Variants in WNT3 observed in about 807,000 individuals in gnomAD.
The protein encoded by WNT3 is proto-oncogene Wnt-3.
In WNT3, 7 loss-of-function variants were observed where a neutral mutation model predicts 34.2. The ratio of observed to expected loss-of-function variants is 0.20; its 90% CI spans 0.12 to 0.38. The LOEUF is 0.38. Among genes scored for constraint, WNT3 ranks in the 10% least tolerant of loss-of-function variants. WNT3 has a pLI of 1.00. For missense variants in WNT3, 267 were observed against 499.8 expected (o/e 0.53, Z 4.44); for synonymous variants, 212 against 211.5 (o/e 1.00, Z -0.02).
chr17:46,794,020 T>A (rs1295870130), intron 1 of WNT3, among the ~76,000 whole-genome samples: 2 of 152,126 alleles, frequency 1.3e-5, no homozygotes, highest in Non-Finnish European at 2.9e-5. Flanking sequence ...GACGGGGACA[T>A]AACCAAGACA....
At chr17:46,772,752 G>A (rs1486729770) in intron 2 of WNT3, among the ~76,000 whole-genome samples, 1 of 152,134 alleles carries the variant, frequency 6.6e-6, no homozygotes, top group Non-Finnish European at 1.5e-5. Context: ...TAAAATGGGG[G>A]TTGTCAGCTT....
intron 1 of WNT3, among the ~76,000 whole-genome samples, chr17:46,806,683 T>G (rs116819231): frequency 1.1e-3 from 165 of 152,370 alleles, no homozygotes; most frequent in Middle Eastern, 6.8e-3. Flanking sequence ...AGCCTGAGGC[T>G]AGACATTCTC....
At chr17:46,789,992 C>A (rs2083960814) in intron 1 of WNT3, among the ~76,000 whole-genome samples, 1 of 152,164 alleles carries the variant, frequency 6.6e-6, no homozygotes, top group Non-Finnish European at 1.5e-5. Flanking sequence ...GTGAAGACAG[C>A]CCTGCCCAGC....
chr17:46,787,686 G>A (rs1027562826), intron 1 of WNT3, among the ~76,000 whole-genome samples: 3 of 152,244 alleles, frequency 2.0e-5, no homozygotes, highest in African/African-American at 7.2e-5. Context: ...GGGCGCGGTG[G>A]CTCACGCCTG....
At chr17:46,783,929 T>C (rs929425183) in intron 1 of WNT3, among the ~76,000 whole-genome samples, 1 of 152,148 alleles carries the variant, frequency 6.6e-6, no homozygotes, top group African/African-American at 2.4e-5. Context: ...ATCCTGTTAG[T>C]TATGTGCAAA....
intron 1 of WNT3, among the ~76,000 whole-genome samples, chr17:46,789,948 C>T (rs1425301840): frequency 2.6e-5 from 4 of 152,210 alleles, no homozygotes; most frequent in Admixed American, 1.3e-4. Flanking sequence ...GGCTTCTTTG[C>T]GCCTCATCCC....
intron 3 of WNT3, among the ~76,000 whole-genome samples, chr17:46,769,189 G>A (rs1295975147): frequency 6.6e-6 from 1 of 151,988 alleles, no homozygotes; most frequent in Non-Finnish European, 1.5e-5. Context: ...GGTGGCGGAC[G>A]CCTGTAATCC....
At chr17:46,771,916 G>GCGCCTCGGGCC (rs2059376951) in intron 2 of WNT3, among the ~76,000 whole-genome samples, 1 of 143,490 alleles carries the variant, frequency 7.0e-6, no homozygotes, top group Non-Finnish European at 1.5e-5. Context: ...GCCTGGGGAA[G>GCGCCTCGGGCC]CGCCTCGGGC....
chr17:46,787,770 AT>A (rs1446809589), intron 1 of WNT3, among the ~76,000 whole-genome samples: 1 of 152,212 alleles, frequency 6.6e-6, no homozygotes, highest in Non-Finnish European at 1.5e-5. Flanking sequence ...CCTGGCCAAC[AT>A]GGCGAAACGC....
chr17:46,796,610 G>A (rs188805774), intron 1 of WNT3, among the ~76,000 whole-genome samples: 2 of 152,318 alleles, frequency 1.3e-5, no homozygotes, highest in South Asian at 2.1e-4. Context: ...TTCCTGCCCC[G>A]CAGGGGCTCC....
chr17:46,809,127 G>A (rs2146458711), intron 1 of WNT3, among the ~76,000 whole-genome samples: 1 of 152,310 alleles, frequency 6.6e-6, no homozygotes, highest in Admixed American at 6.5e-5. Flanking sequence ...GATCGAGGGG[G>A]TTTGTGAAAG....
chr17:46,812,233 C>T (rs2084285786), intron 1 of WNT3, among the ~76,000 whole-genome samples: 1 of 152,190 alleles, frequency 6.6e-6, no homozygotes, highest in Non-Finnish European at 1.5e-5. Context: ...TAAAGAAGGA[C>T]CCTGCTTAGA....
intron 1 of WNT3, among the ~76,000 whole-genome samples, chr17:46,810,004 C>CTTTTTTTT (rs11292601): frequency 1.1e-4 from 14 of 126,382 alleles, no homozygotes; most frequent in Non-Finnish European, 1.6e-4. Flanking sequence ...TTCTTTCTTT[C>CTTTTTTTT]TTTTTTTTTT....
At chr17:46,792,717 C>T (rs1432152230) in intron 1 of WNT3, among the ~76,000 whole-genome samples, 1 of 152,148 alleles carries the variant, frequency 6.6e-6, no homozygotes, top group Non-Finnish European at 1.5e-5. Flanking sequence ...CGTGATCTGC[C>T]CACCTCTGCC....
Position 46,768,609 on chromosome 17 carries a change from C to G in WNT3, c.779G>C (p.Arg260Pro). The change falls in exon 4 of 5, where the codon CGG (arginine) becomes CCG (proline). Residue 260 changes from arginine (R) to proline (P), a missense_variant. Physicochemically the swap from Arg to Pro is moderately radical, Grantham distance 103. Around this residue, in one of 3 missense-constraint regions of WNT3, gnomAD observed 181 missense variants for 391.3 expected, o/e 0.46. Coordinates refer to ENST00000225512, the MANE Select transcript of WNT3 (RefSeq NM_030753.5). This position sits in a 1 kb window ranked among gnomAD's most constrained non-coding sequence, Gnocchi z 5.0. ...TGGCTTGAAGAGCGAGTACTTGGCC[C>G]GGAGGGTCTCCACCCAGCCTCGGGA... ...RESRGWVETL[R>P]AKYSLFKPPT... 2 of 1,614,130 alleles carry G rather than the reference C, an allele frequency of 1.2e-6. No individual in the cohort carries two copies. Among genetic ancestry groups the G allele is most frequent in the Non-Finnish European group, 1.7e-6 (2 of 1,180,040 alleles).
intron 1 of WNT3, among the ~76,000 whole-genome samples, chr17:46,778,802 C>T (rs1331839364): frequency 1.3e-5 from 2 of 152,050 alleles, no homozygotes; most frequent in Non-Finnish European, 2.9e-5. Flanking sequence ...CACTGCCCGG[C>T]CCCCGGCAAC....
At chr17:46,790,874 G>A (rs974364243) in intron 1 of WNT3, among the ~76,000 whole-genome samples, 7 of 152,190 alleles carry the variant, frequency 4.6e-5, no homozygotes, top group African/African-American at 1.4e-4. Context: ...CACGTACATC[G>A]GAAAAGGACA....
chr17:46,810,396 T>C (rs931944288), intron 1 of WNT3, among the ~76,000 whole-genome samples: 1 of 152,196 alleles, frequency 6.6e-6, no homozygotes, highest in African/African-American at 2.4e-5. Context: ...GAAGGAGTCC[T>C]CAGCTCCTTC....
chr17:46,767,542 C>T (rs1234366366), intron 4 of WNT3, among the ~76,000 whole-genome samples: 1 of 152,130 alleles, frequency 6.6e-6, no homozygotes. Flanking sequence ...TGCCCTTCAC[C>T]ACCATCACCA....
Sources: gnomAD v4.1 joint callset for allele counts (sites outside exome capture counted in the v4.1 genomes callset) on GRCh38, gnomAD v4.1.1 for gene constraint, gnomAD v4.1.1 regional missense constraint, Gnocchi (gnomAD v3.1) non-coding constraint, MANE v1.5 for transcripts, NCBI Gene and HGNC (gene_info 2026-07-23, HGNC 2026-07-21) for gene names.